CEP97: variants seen among roughly 807,000 people sequenced by gnomAD.
CEP97 encodes the protein centrosomal protein of 97 kDa.
In CEP97, 43 loss-of-function variants were observed where a neutral mutation model predicts 73.1. The observed-to-expected ratio is 0.59, with a 90% CI of 0.46 to 0.76. The LOEUF (loss-of-function observed/expected upper bound fraction) is 0.76. CEP97 is among the 30% of genes least tolerant of loss of function. The pLI, the probability that CEP97 is intolerant of heterozygous loss-of-function variation, is 0.00. For synonymous variants in CEP97, 337 were observed against 370.0 expected, an observed-to-expected ratio of 0.91 and a Z score of 1.02; for missense variants, 939 against 1,014.0, an observed-to-expected ratio of 0.93 and a Z score of 1.00.
At chr3:101,727,658 C>T in intron 3 of CEP97, 117 bp downstream of exon 3, 2 of 729,668 alleles carry the variant, frequency 2.7e-6, no homozygotes, top group Non-Finnish European at 4.3e-6. Context: ...GGGATAATCT[C>T]TGTTAAAATA....
At chr3:101,732,106 T>A (rs1198930869) in intron 5 of CEP97, among the ~76,000 whole-genome samples, 153 bp downstream of exon 5, 1 of 152,196 alleles carries the variant, frequency 6.6e-6, no homozygotes, top group African/African-American at 2.4e-5. Flanking sequence ...CCACTTTTCC[T>A]TAGTGTCAGT....
intron 6 of CEP97, among the ~76,000 whole-genome samples, chr3:101,740,504 A>G (rs1221222943): frequency 6.6e-6 from 1 of 152,234 alleles, no homozygotes; most frequent in Non-Finnish European, 1.5e-5. Flanking sequence ...ATGCTCATGC[A>G]TAGGAAGAAT....
At chr3:101,761,037 T>C (rs1939158547) in intron 9 of CEP97, among the ~76,000 whole-genome samples, 1 of 152,022 alleles carries the variant, frequency 6.6e-6, no homozygotes, top group Non-Finnish European at 1.5e-5. Context: ...AATTTTTTTT[T>C]TGCATTTTTA....
chr3:101,753,784 C>T (rs992904345), intron 6 of CEP97, among the ~76,000 whole-genome samples: 28 of 152,178 alleles, frequency 1.8e-4, no homozygotes, highest in African/African-American at 5.3e-4. Context: ...GGGAGTGACC[C>T]GATTTTCCAG....
rs1371066295 is a variant in CEP97 at position 101,765,094 on chromosome 3, T to C, written c.2141T>C (p.Leu714Ser). ...HSSLTEQVHSLQHSLDFEKSS... is the reference protein window; with the variant it reads ...HSSLTEQVHSSQHSLDFEKSS... The stretch of plus-strand genomic sequence containing the variant: ...TCTCTAACAGAACAAGTTCATTCAT[T>C]GCAGCATTCTTTGGATTTTGAGAAA... The change falls in exon 11 of 11, where the codon TTG becomes TCG. Residue 714 changes from leucine to serine, a missense_variant. Coordinates refer to ENST00000341893, the MANE Select transcript of CEP97 (RefSeq NM_024548.4). The C allele has an allele frequency of 1.1e-5, 18 of 1,614,214 alleles. No individual in the cohort carries two copies. Among genetic ancestry groups the C allele is most frequent in the Middle Eastern group, 1.6e-4 (1 of 6,062 alleles).
At chr3:101,741,956 C>T (rs536327685) in intron 6 of CEP97, among the ~76,000 whole-genome samples, 1 of 151,384 alleles carries the variant, frequency 6.6e-6, no homozygotes, top group Admixed American at 6.6e-5. Flanking sequence ...GCAGGAGAGT[C>T]GCTTGAGCCC....
In CEP97 at chr3:101,757,114, T is replaced by C. The variant is rs752227089; in HGVS notation, c.945T>C (p.Pro315=). The C allele has an allele frequency of 1.2e-6, 2 of 1,613,436 alleles. No homozygotes were observed. Among genetic ancestry groups the C allele is most frequent in the Admixed American group, 3.3e-5 (2 of 59,898 alleles). Residue 315 remains proline, a synonymous_variant, in exon 8 of 11, where the codon CCT becomes CCC. Transcript: ENST00000341893. Reference sequence around the variant, plus strand: ...AAAGCCAAAATGAAGAGTTGTCTCCTCTTGTTCCTGTTGAAACAAGGGCAT... The same window carrying C: ...AAAGCCAAAATGAAGAGTTGTCTCCCCTTGTTCCTGTTGAAACAAGGGCAT... ...MNQSQNEELS[P]LVPVETRASL...
intron 4 of CEP97, 40 bp downstream of exon 4, chr3:101,728,977 A>C (rs1470074699): frequency 4.5e-5 from 51 of 1,131,908 alleles, no homozygotes; most frequent in Non-Finnish European, 6.4e-5. Flanking sequence ...GTTTTATAGC[A>C]AAATACCAAG....
intron 6 of CEP97, among the ~76,000 whole-genome samples, chr3:101,735,291 G>T (rs911138586): frequency 6.6e-6 from 1 of 152,150 alleles, no homozygotes; most frequent in Non-Finnish European, 1.5e-5. Context: ...ATAATGCTTT[G>T]CAAACATTTA....
intron 4 of CEP97, among the ~76,000 whole-genome samples, chr3:101,731,627 A>G (rs549371986): frequency 2.0e-5 from 3 of 152,252 alleles, no homozygotes; most frequent in Non-Finnish European, 4.4e-5. Context: ...TCTTTAAAAT[A>G]TCATGAGCTT....
At position 101,765,414 on chromosome 3, in the gene CEP97, A is replaced by T; in HGVS notation, c.2461A>T (p.Ser821Cys). 6.2e-7 allele frequency: 1 copy of T among 1,614,182 alleles called. No homozygotes were observed. The highest frequency in any genetic ancestry group is 8.5e-7 in the Non-Finnish European group (1 of 1,180,016). ...GTCTGACGGTGCTTCTGTAGATGAG[A>T]GTCATGGCATATCTCCTCCTTTGCA... The part of the protein sequence containing the change: ...TLSDGASVDE[S>C]HGISPPLQGE... Residue 821 changes from serine to cysteine, a missense_variant, in exon 11 of 11, where the codon AGT becomes TGT. Transcript: ENST00000341893.
intron 9 of CEP97, chr3:101,758,804 T>C (rs1483296857): frequency 1.1e-5 from 2 of 175,314 alleles, no homozygotes; most frequent in Non-Finnish European, 2.4e-5. Flanking sequence ...ATAAAGAAAA[T>C]AGCAGGGATT....
At chr3:101,727,075 G>A (rs1278935631) in intron 2 of CEP97, among the ~76,000 whole-genome samples, 1 of 152,166 alleles carries the variant, frequency 6.6e-6, no homozygotes, top group African/African-American at 2.4e-5. Context: ...ACTGTATTAA[G>A]TTTTGACTGA....
At chr3:101,729,953 C>T (rs892149872) in intron 4 of CEP97, among the ~76,000 whole-genome samples, 3 of 151,874 alleles carry the variant, frequency 2.0e-5, no homozygotes, top group East Asian at 1.9e-4. Flanking sequence ...TATAGGCGCC[C>T]ACCACCACAC....
chr3:101,742,365 G>T (rs2107153852), intron 6 of CEP97, among the ~76,000 whole-genome samples: 1 of 152,238 alleles, frequency 6.6e-6, no homozygotes, highest in Non-Finnish European at 1.5e-5. Flanking sequence ...ACTGGATAAA[G>T]AAAATGTGGC....
intron 6 of CEP97, among the ~76,000 whole-genome samples, chr3:101,753,672 T>C (rs1938914036): frequency 6.6e-6 from 1 of 152,184 alleles, no homozygotes; most frequent in African/African-American, 2.4e-5. Flanking sequence ...GTGCTAGCAA[T>C]CAGTGAGACT....
chr3:101,728,727 T>C lies in CEP97; in HGVS notation c.346-109T>C. On this transcript the variant is annotated intron_variant, in intron 3 of 10. Coordinates refer to ENST00000341893, the MANE Select transcript of CEP97 (RefSeq NM_024548.4). ...TCTTGCTAAGTTCTTCTACTCTGCT[T>C]CTAATAATAAGAGGAGGGAAGACAC... 6 of 711,846 alleles carry C rather than the reference T, an allele frequency of 8.4e-6. No individual in the cohort carries two copies. The South Asian group carries it at 1.0e-4, about 12-fold the overall frequency. The allele number at this position is 711,846 out of a possible 1,614,324, so 44.1% of individuals were successfully genotyped here.
chr3:101,761,991 G>T (rs529090611), intron 9 of CEP97, among the ~76,000 whole-genome samples: 7 of 152,286 alleles, frequency 4.6e-5, no homozygotes, highest in African/African-American at 1.7e-4. Flanking sequence ...TGGGGAAACA[G>T]AATAGTGAAG....
At chr3:101,751,002 G>A (rs1938795070) in intron 6 of CEP97, among the ~76,000 whole-genome samples, 1 of 152,132 alleles carries the variant, frequency 6.6e-6, no homozygotes, top group Non-Finnish European at 1.5e-5. Flanking sequence ...TAATTGTGAT[G>A]TTAGGGTGTC....
Sources: allele counts gnomAD v4.1 joint callset (sites outside exome capture counted in the v4.1 genomes callset), GRCh38; gene constraint gnomAD v4.1.1; transcripts MANE v1.5; gene names NCBI Gene and HGNC (gene_info 2026-07-23, HGNC 2026-07-21).